The following LRBA variants were observed in gnomAD, a reference collection of about 807,000 sequenced individuals.
LRBA encodes lipopolysaccharide-responsive and beige-like anchor protein.
Under a neutral mutation model 330.0 loss-of-function variants are expected in LRBA, and 176 were observed. The observed-to-expected ratio is 0.53, with a 90% confidence interval of 0.47 to 0.60. The LOEUF (loss-of-function observed/expected upper bound fraction) is 0.60, where lower values mean the gene tolerates loss of function less well. LRBA is among the 20% of genes least tolerant of loss of function. LRBA has a pLI of 0.00. For synonymous variants in LRBA, 1,230 were observed against 1,193.0 expected, an observed-to-expected ratio of 1.03 and a Z score of -0.64; for missense variants, 3,259 against 3,444.8, an observed-to-expected ratio of 0.95 and a Z score of 1.35.
intron 54 of LRBA, 107 bp from the exon 55 acceptor site, chr4:150,282,753 G>T: frequency 3.9e-6 from 3 of 765,402 alleles, no homozygotes; most frequent in Non-Finnish European, 6.0e-6. Context: ...CACTATAGAT[G>T]TAGAAAGCCT....
chr4:150,895,106 T>C (rs545438660), intron 16 of LRBA, among the ~76,000 whole-genome samples: 7 of 151,930 alleles, frequency 4.6e-5, no homozygotes, highest in Non-Finnish European at 7.4e-5. Context: ...TATAGGAGTA[T>C]AAATTATCAT....
chr4:150,822,814 C>A (rs1745655549), intron 30 of LRBA, among the ~76,000 whole-genome samples: 1 of 152,060 alleles, frequency 6.6e-6, no homozygotes, highest in Non-Finnish European at 1.5e-5. Flanking sequence ...GTAATCTCAA[C>A]ACTTTGGATC....
chr4:150,774,525 A>AATACTGACTG (rs1226879595), intron 34 of LRBA, among the ~76,000 whole-genome samples: 1 of 152,236 alleles, frequency 6.6e-6, no homozygotes, highest in Non-Finnish European at 1.5e-5. Flanking sequence ...TATGGTTTGC[A>AATACTGACTG]ATACTGACTG....
intron 17 of LRBA, among the ~76,000 whole-genome samples, chr4:150,890,478 TA>T (rs1255404080): frequency 1.3e-5 from 2 of 151,450 alleles, no homozygotes; most frequent in African/African-American, 4.9e-5. Flanking sequence ...ACACTAGGAT[TA>T]AAAAAAAGCA....
At chr4:150,824,997 T>G (rs1746013942) in intron 30 of LRBA, among the ~76,000 whole-genome samples, 1 of 151,466 alleles carries the variant, frequency 6.6e-6, no homozygotes, top group African/African-American at 2.4e-5. Context: ...ATTCCTGGAC[T>G]CAAGCAATCC....
Position 150,828,218 on chromosome 4 carries a change from T to C in LRBA, c.5133A>G (p.Leu1711=), listed in dbSNP as rs369217802. Residue 1711 remains leucine, a synonymous_variant, in exon 30 of 57, where the codon CTA becomes CTG. Transcript: ENST00000651943. ...PPACLGALGD[L]SVEQPVQFRS... ...TGAACTGCACGGGTTGTTCCACAGA[T>C]AGATCACCAAGGGCTCCAAGGCAGG... is the stretch of plus-strand genomic sequence containing the variant. 26 of 1,613,948 alleles carry C rather than the reference T, an allele frequency of 1.6e-5. No homozygotes were observed. The highest frequency in any genetic ancestry group is 2.1e-5 in the Non-Finnish European group (25 of 1,179,964).
At chr4:150,643,554 A>G (rs1433465315) in intron 37 of LRBA, among the ~76,000 whole-genome samples, 3 of 151,958 alleles carry the variant, frequency 2.0e-5, no homozygotes, top group Non-Finnish European at 2.9e-5. Flanking sequence ...ACATGTGCAG[A>G]AGTTCTAATA....
intron 36 of LRBA, among the ~76,000 whole-genome samples, chr4:150,693,338 C>T (rs963538359): frequency 1.3e-5 from 2 of 151,688 alleles, no homozygotes; most frequent in Non-Finnish European, 2.9e-5. Context: ...CCGAGGTGGG[C>T]GGATCACGAG....
chr4:150,890,918 T>TA (rs1238673855), intron 17 of LRBA, among the ~76,000 whole-genome samples: 7 of 151,914 alleles, frequency 4.6e-5, no homozygotes, highest in East Asian at 1.9e-4. Flanking sequence ...ATTTTTTTTT[T>TA]TAAAAGTGGT....
chr4:150,908,830 C>A lies in LRBA; in HGVS notation c.1189G>T (p.Asp397Tyr). ...KGTFKFKAESDLFLAEHHKLL... is the reference protein window; with the variant it reads ...KGTFKFKAESYLFLAEHHKLL... The stretch of plus-strand genomic sequence containing the variant: ...TTGTGATGCTCAGCAAGGAAAAGGT[C>A]GCTTTCTGCTTTGAATTTAAATGTA... The change falls in exon 10 of 57, where the codon GAC becomes TAC. Residue 397 changes from aspartate (D) to tyrosine (Y), a missense_variant. Transcript: ENST00000651943. 1 of 1,613,004 alleles carries A rather than the reference C, an allele frequency of 6.2e-7. No homozygotes were observed. Among genetic ancestry groups the A allele is most frequent in the South Asian group, 1.1e-5 (1 of 90,868 alleles).
chr4:150,317,084 G>C (rs1045590139), intron 50 of LRBA, among the ~76,000 whole-genome samples: 2 of 152,068 alleles, frequency 1.3e-5, no homozygotes, highest in Non-Finnish European at 2.9e-5. Context: ...ACCATGTTGG[G>C]TCCAGACAGT....
At chr4:150,354,946 G>A (rs925965596) in intron 47 of LRBA, among the ~76,000 whole-genome samples, 23 of 151,510 alleles carry the variant, frequency 1.5e-4, no homozygotes, top group Admixed American at 3.9e-4. Flanking sequence ...GTGTGTGTGT[G>A]TATATATATA....
Position 150,264,519 on chromosome 4 carries a change from A to C in LRBA, c.*1203T>G, listed in dbSNP as rs1034364693. 6.6e-6 allele frequency: 1 copy of C among 152,230 alleles called. No individual in the cohort carries two copies. Among genetic ancestry groups the C allele is most frequent in the Non-Finnish European group, 1.5e-5 (1 of 68,034 alleles). 9.4% of individuals were successfully genotyped at this position (152,230 alleles called of 1,614,324 possible). A position where few individuals can be genotyped will look rare whatever the true frequency, so the allele number is the denominator to read the frequency against. ...CAAAAAAGGCATTTCCAACAATTCA[A>C]TTACAGATGCCATTTTATTCAGCTT... On this transcript the variant is annotated 3_prime_UTR_variant, in exon 57 of 57. Transcript: ENST00000651943.
At chr4:150,969,451 G>A (rs767766442) in intron 2 of LRBA, among the ~76,000 whole-genome samples, 3 of 152,176 alleles carry the variant, frequency 2.0e-5, no homozygotes, top group Non-Finnish European at 4.4e-5. Flanking sequence ...CTTCCATGGA[G>A]GAAGTCACAG....
At chr4:150,441,973 A>G (rs1050400225) in intron 44 of LRBA, among the ~76,000 whole-genome samples, 1 of 152,208 alleles carries the variant, frequency 6.6e-6, no homozygotes, top group Non-Finnish European at 1.5e-5. Flanking sequence ...TAATGTGCTT[A>G]TATACCATAA....
chr4:150,864,981 A>G (rs1474863705), intron 22 of LRBA, among the ~76,000 whole-genome samples: 5 of 152,106 alleles, frequency 3.3e-5, no homozygotes, highest in Non-Finnish European at 7.4e-5. Context: ...CGATTGCTTT[A>G]AAGTTTATAC....
rs78134170 is a variant in LRBA, at chr4:150,492,510, G to A, written c.6331-1475C>T. Among the ~76,000 whole-genome samples the A allele has an allele frequency of 4.2e-3, 642 of 152,158 alleles. 3 individuals carry two copies. Among genetic ancestry groups the A allele is most frequent in the African/African-American group, 0.015 (621 of 41,524 alleles). ...GTATCCCTTTCTCTCACTTTGACCA[G>A]AGATACCACCAGTTGGTCTATGGCC... is the stretch of plus-strand genomic sequence containing the variant. On this transcript the variant is annotated intron_variant, in intron 40 of 56. Coordinates refer to ENST00000651943, the MANE Select transcript of LRBA (RefSeq NM_001364905.1).
At chr4:150,314,102 T>C (rs1446314919) in intron 51 of LRBA, among the ~76,000 whole-genome samples, 2 of 152,204 alleles carry the variant, frequency 1.3e-5, no homozygotes, top group South Asian at 4.1e-4. Flanking sequence ...TACCCATGCT[T>C]ACCCTAAAGG....
intron 53 of LRBA, among the ~76,000 whole-genome samples, chr4:150,290,597 A>G (rs1728159184): frequency 6.6e-6 from 1 of 152,252 alleles, no homozygotes. Flanking sequence ...GAAAGAGGAC[A>G]GACTTCTAGG....
Sources: gnomAD v4.1 joint callset for allele counts (sites outside exome capture counted in the v4.1 genomes callset) on GRCh38, gnomAD v4.1.1 for gene constraint, MANE v1.5 for transcripts, NCBI Gene and HGNC (gene_info 2026-07-23, HGNC 2026-07-21) for gene names.